ZC3H13: variants seen among roughly 807,000 people sequenced by gnomAD.
ZC3H13 encodes the protein zinc finger CCCH-type containing 13.
In ZC3H13, 64 loss-of-function variants were observed where a neutral mutation model predicts 204.1. The observed-to-expected ratio is 0.31, with a 90% CI of 0.26 to 0.39. ZC3H13 has a LOEUF of 0.39. ZC3H13 is among the 10% of genes least tolerant of loss of function. The probability of loss-of-function intolerance (pLI) is 1.00; values close to 1 mark genes in which losing one functional copy is unlikely to be tolerated. For synonymous variants in ZC3H13, 667 were observed against 693.7 expected, an observed-to-expected ratio of 0.96 and a Z score of 0.60; for missense variants, 1,833 against 2,082.7, an observed-to-expected ratio of 0.88 and a Z score of 2.33.
chr13:45,978,016 A>G (rs1011456831), intron 11 of ZC3H13, among the ~76,000 whole-genome samples: 2 of 151,946 alleles, frequency 1.3e-5, no homozygotes, highest in Admixed American at 6.6e-5. Context: ...TCCAAAGCAC[A>G]TGTTTCTTTC....
chr13:45,963,754 G>A (rs1476284004), intron 17 of ZC3H13, 88 bp downstream of exon 17: 11 of 1,569,410 alleles, frequency 7.0e-6, no homozygotes, highest in Non-Finnish European at 8.6e-6. Flanking sequence ...ACAGTGTTAA[G>A]TGCTACATAA....
At chr13:46,037,318 C>G (rs968617504) in intron 4 of ZC3H13, among the ~76,000 whole-genome samples, 1 of 152,292 alleles carries the variant, frequency 6.6e-6, no homozygotes, top group Middle Eastern at 3.4e-3. Context: ...AAGCAATACT[C>G]ATAGGGCACC....
rs2137682178 is a variant in ZC3H13 at position 45,957,167 on chromosome 13, A to C, written c.4970T>G (p.Leu1657Arg). ...PGHEKTEDNK[L>R]SQSSIQQELC... ...TTCCTGTTGGATACTGGACTGTGAAAGTTTATTATCTTCAGTCTTTTCATG... is the reference window on the plus strand; with the variant it reads ...TTCCTGTTGGATACTGGACTGTGAACGTTTATTATCTTCAGTCTTTTCATG... Residue 1657 changes from leucine to arginine, a missense_variant, in exon 19 of 19, where the codon CTT (leucine) becomes CGT (arginine). Physicochemically the swap from Leu to Arg is moderately radical, Grantham distance 102. Around this residue, in one of 5 missense-constraint regions of ZC3H13, gnomAD observed 211 missense variants for 228.4 expected, o/e 0.92. Coordinates refer to ENST00000679008, the MANE Select transcript of ZC3H13 (RefSeq NM_001330564.2). The C allele has an allele frequency of 1.9e-6, 3 of 1,547,020 alleles. No individual in the cohort carries two copies. The highest frequency in any genetic ancestry group is 2.4e-5 in the East Asian group (1 of 40,852).
intron 4 of ZC3H13, among the ~76,000 whole-genome samples, chr13:46,033,634 A>G (rs2043033489): frequency 6.6e-6 from 1 of 152,160 alleles, no homozygotes; most frequent in Non-Finnish European, 1.5e-5. Flanking sequence ...AAAAGCCCCA[A>G]AGACAATGAC....
At chr13:45,965,592 A>C (rs562547940) in intron 15 of ZC3H13, among the ~76,000 whole-genome samples, 160 bp from the exon 16 acceptor site, 21 of 152,230 alleles carry the variant, frequency 1.4e-4, no homozygotes, top group Non-Finnish European at 2.4e-4. Flanking sequence ...GATAATATCA[A>C]AAGAAAACAA....
At chr13:46,031,358 G>T (rs2042886373) in intron 4 of ZC3H13, among the ~76,000 whole-genome samples, 1 of 151,774 alleles carries the variant, frequency 6.6e-6, no homozygotes, top group Non-Finnish European at 1.5e-5. Context: ...TAACATAAGA[G>T]AGTATCTAGA....
intron 3 of ZC3H13, among the ~76,000 whole-genome samples, chr13:46,042,748 A>G (rs557112437): frequency 3.3e-5 from 5 of 152,194 alleles, no homozygotes; most frequent in Admixed American, 6.5e-5. Context: ...ATTACAAGAA[A>G]TAAGTTTCTT....
At chr13:45,988,664 C>A (rs1347095559) in intron 9 of ZC3H13, 123 bp downstream of exon 9, 2 of 1,110,598 alleles carry the variant, frequency 1.8e-6, no homozygotes, top group East Asian at 2.5e-5. Context: ...CTATTGCCCT[C>A]AAAAATTCTA....
intron 5 of ZC3H13, among the ~76,000 whole-genome samples, chr13:46,017,543 T>C (rs1473509719): frequency 6.6e-6 from 1 of 152,174 alleles, no homozygotes; most frequent in Non-Finnish European, 1.5e-5. Flanking sequence ...AAGCATATAA[T>C]GGATTTTTAT....
At chr13:45,987,783 C>T (rs972066853) in intron 9 of ZC3H13, among the ~76,000 whole-genome samples, 19 of 152,088 alleles carry the variant, frequency 1.2e-4, no homozygotes, top group African/African-American at 4.3e-4. Context: ...TGAGTACTTA[C>T]TATGTTAAAA....
At chr13:46,033,725 T>C (rs1436225233) in intron 4 of ZC3H13, among the ~76,000 whole-genome samples, 2 of 152,058 alleles carry the variant, frequency 1.3e-5, no homozygotes, top group East Asian at 1.9e-4. Flanking sequence ...TCCACATATA[T>C]AGTATGAAAT....
At chr13:45,966,497 C>T (rs1393185983) in intron 15 of ZC3H13, among the ~76,000 whole-genome samples, 1 of 152,106 alleles carries the variant, frequency 6.6e-6, no homozygotes, top group Non-Finnish European at 1.5e-5. Context: ...TGAGTAAAAA[C>T]TTTACATCAC....
intron 12 of ZC3H13, among the ~76,000 whole-genome samples, chr13:45,972,906 C>G (rs1239108100): frequency 6.6e-6 from 1 of 152,154 alleles, no homozygotes; most frequent in Non-Finnish European, 1.5e-5. Flanking sequence ...TACTGAAGGC[C>G]AGGGGGTCAA....
At chr13:46,042,625 T>C (rs542488428) in intron 3 of ZC3H13, among the ~76,000 whole-genome samples, 1 of 152,218 alleles carries the variant, frequency 6.6e-6, no homozygotes, top group Admixed American at 6.5e-5. Context: ...ATAAATATAT[T>C]AGTTATATGT....
chr13:46,045,263 ACAC>A, intron 2 of ZC3H13, 125 bp downstream of exon 2: 1 of 1,013,780 alleles, frequency 9.9e-7, no homozygotes, highest in Non-Finnish European at 1.5e-6. Flanking sequence ...TTTATAAAAC[ACAC>A]TTTAAAAAAT....
At chr13:46,001,399 A>G (rs982359734) in intron 8 of ZC3H13, 61 of 152,340 alleles carry the variant, frequency 4.0e-4, no homozygotes, top group African/African-American at 1.4e-3. Context: ...TTAGAACTCC[A>G]GTGCGTGCAG....
chr13:45,963,210 T>C, intron 17 of ZC3H13: 1 of 984,226 alleles, frequency 1.0e-6, no homozygotes, highest in Non-Finnish European at 1.2e-6. Context: ...CCTACTGAAA[T>C]CCAGATCATC....
chr13:45,960,143 G>C (rs1445667755), intron 17 of ZC3H13, among the ~76,000 whole-genome samples: 1 of 151,876 alleles, frequency 6.6e-6, no homozygotes, highest in Non-Finnish European at 1.5e-5. Context: ...TTTTAGTAGA[G>C]ATGGGGTTTC....
At position 46,036,271 on chromosome 13, in the gene ZC3H13, A is replaced by C. The variant is rs76378750; in HGVS notation, c.339+5893T>G. Among the ~76,000 whole-genome samples the C allele has an allele frequency of 3.0e-4, 46 of 152,360 alleles. 1 individual carries two copies. The East Asian group carries it at 8.9e-3, about 29-fold the overall frequency. The stretch of plus-strand genomic sequence containing the variant: ...TCTAGGAGGTACAATTTCCAGAGAC[A>C]GTAAACTTCATACTAGAAATACATT... On this transcript the variant is annotated intron_variant, in intron 4 of 18. Coordinates refer to ENST00000679008, the MANE Select transcript of ZC3H13 (RefSeq NM_001330564.2).
Sources: gnomAD v4.1 joint callset for allele counts (sites outside exome capture counted in the v4.1 genomes callset) on GRCh38, gnomAD v4.1.1 for gene constraint, gnomAD v4.1.1 regional missense constraint, MANE v1.5 for transcripts, NCBI Gene and HGNC (gene_info 2026-07-23, HGNC 2026-07-21) for gene names.